Variants in RYR3 observed in about 807,000 individuals in gnomAD.
The protein encoded by RYR3 is ryanodine receptor 3, also known as brain ryanodine receptor-calcium release channel.
In RYR3, 207 loss-of-function variants were observed where a neutral mutation model predicts 584.3. The observed-to-expected ratio is 0.35, with a 90% CI of 0.32 to 0.40. The LOEUF (loss-of-function observed/expected upper bound fraction) is 0.40, where lower values mean the gene tolerates loss of function less well. Ranked by LOEUF, RYR3 falls within the 10% of genes least tolerant of loss-of-function variation. RYR3 has a pLI of 1.00. For missense variants in RYR3, 5,616 were observed against 6,089.2 expected, an observed-to-expected ratio of 0.92 and a Z score of 2.59; for synonymous variants, 2,416 against 2,248.5, an observed-to-expected ratio of 1.07 and a Z score of -2.11.
At chr15:33,800,356 G>A (rs1009410384) in intron 67 of RYR3, among the ~76,000 whole-genome samples, 2 of 152,182 alleles carry the variant, frequency 1.3e-5, no homozygotes, top group Non-Finnish European at 2.9e-5. Flanking sequence ...CAGGTTAGAT[G>A]TCTTAGTGAC....
chr15:33,496,510 G>A (rs751243716), intron 2 of RYR3, among the ~76,000 whole-genome samples: 7 of 151,922 alleles, frequency 4.6e-5, no homozygotes, highest in African/African-American at 9.7e-5. Context: ...TCATATATGC[G>A]CTCTTTTTCT....
chr15:33,547,636 A>T (rs1301415216), intron 8 of RYR3, among the ~76,000 whole-genome samples: 1 of 152,364 alleles, frequency 6.6e-6, no homozygotes, highest in East Asian at 1.9e-4. Flanking sequence ...AAAATCATGA[A>T]CAGTGTAACA....
At chr15:33,826,526 T>C in intron 83 of RYR3, 146 bp from the exon 84 acceptor site, 1 of 804,646 alleles carries the variant, frequency 1.2e-6, no homozygotes. Context: ...CAGCTCAGTT[T>C]AATTGGGCTT....
chr15:33,572,750 G>A (rs929780516), intron 12 of RYR3, among the ~76,000 whole-genome samples: 2 of 151,740 alleles, frequency 1.3e-5, no homozygotes, highest in African/African-American at 2.4e-5. Flanking sequence ...CAAGGTGGGC[G>A]AATCACCTGA....
chr15:33,755,065 G>A lies in RYR3; in HGVS notation c.8400G>A (p.Arg2800=). The part of the protein sequence containing the change: ...FLQVNGIIVS[R]GMKDMELDAS... ...TGGGGTCTGTCCATGTCCAACGTAG[G>A]GGTATGAAGGATATGGAGCTGGATG... Residue 2800 remains arginine (R), a splice_region_variant and synonymous_variant, in exon 58 of 104, where the codon AGG becomes AGA. Coordinates refer to ENST00000634891, the MANE Select transcript of RYR3 (RefSeq NM_001036.6). 6.3e-7 allele frequency: 1 copy of A among 1,586,316 alleles called. No individual in the cohort carries two copies. The highest frequency in any genetic ancestry group is 8.7e-7 in the Non-Finnish European group (1 of 1,155,686).
rs1220435945 is a variant in RYR3 at position 33,752,468 on chromosome 15, A to C, written c.8399+2182A>C. On this transcript the variant is annotated intron_variant, in intron 57 of 103. Coordinates refer to ENST00000634891, the MANE Select transcript of RYR3 (RefSeq NM_001036.6). ...CACATCCCTTGTAAGTTGTATTCCT[A>C]GTTATTTTATTCTCTTTGTAGCAAT... is the stretch of plus-strand genomic sequence containing the variant. 2.6e-5 allele frequency among the ~76,000 whole-genome samples: 4 copies of C among 152,118 alleles called. 1 individual carries two copies. The highest frequency in any genetic ancestry group is 5.9e-5 in the Non-Finnish European group (4 of 68,018).
intron 3 of RYR3, among the ~76,000 whole-genome samples, chr15:33,504,456 C>T (rs2052286224): frequency 6.6e-6 from 1 of 152,162 alleles, no homozygotes. Context: ...TTCTCTCCAC[C>T]ATCCTCAATC....
chr15:33,669,839 T>TGGGGGGGGGGGGGGGGG (rs2063709960), intron 37 of RYR3, among the ~76,000 whole-genome samples: 1 of 11,436 alleles, frequency 8.7e-5, no homozygotes, highest in African/African-American at 2.9e-4. Flanking sequence ...GGGGTGTGTG[T>TGGGGGGGGGGGGGGGGG]GTGTGGGGGG....
intron 17 of RYR3, 138 bp from the exon 18 acceptor site, chr15:33,602,985 A>G (rs2059745618): frequency 5.7e-6 from 5 of 883,698 alleles, no homozygotes; most frequent in Middle Eastern, 6.8e-4. Context: ...GATCCCTCCC[A>G]TCTTTTGAGC....
chr15:33,796,181 C>T (rs1229583216), intron 67 of RYR3, among the ~76,000 whole-genome samples: 2 of 152,120 alleles, frequency 1.3e-5, no homozygotes, highest in African/African-American at 4.8e-5. Flanking sequence ...GTCGCCCAGG[C>T]TGGAGTGCAG....
intron 80 of RYR3, 98 bp from the exon 81 acceptor site, chr15:33,822,898 A>G: frequency 1.1e-6 from 1 of 917,070 alleles, no homozygotes; most frequent in Non-Finnish European, 1.7e-6. Flanking sequence ...AGAGCGTCCA[A>G]CTCAGTGTGG....
intron 60 of RYR3, among the ~76,000 whole-genome samples, chr15:33,766,219 G>A (rs943952008): frequency 6.6e-6 from 1 of 151,416 alleles, no homozygotes; most frequent in East Asian, 1.9e-4. Flanking sequence ...GGAGACGGAG[G>A]TTGCAGTGAG....
intron 85 of RYR3, 69 bp from the exon 86 acceptor site, chr15:33,830,894 C>A: frequency 6.5e-7 from 1 of 1,540,806 alleles, no homozygotes; most frequent in Non-Finnish European, 8.8e-7. Flanking sequence ...ATGTACCCTT[C>A]CCAAACACCG....
intron 1 of RYR3, among the ~76,000 whole-genome samples, chr15:33,313,474 C>A (rs1404701564): frequency 6.6e-6 from 1 of 152,148 alleles, no homozygotes; most frequent in East Asian, 1.9e-4. Context: ...AATCCAATAG[C>A]CATAAGCTTT....
intron 38 of RYR3, among the ~76,000 whole-genome samples, chr15:33,677,818 G>C (rs965861444): frequency 6.6e-6 from 1 of 152,228 alleles, no homozygotes; most frequent in Non-Finnish European, 1.5e-5. Context: ...ATACACACCT[G>C]TCACGAGCCT....
chr15:33,423,656 G>GT (rs374041754), intron 1 of RYR3, among the ~76,000 whole-genome samples: 51 of 148,692 alleles, frequency 3.4e-4, no homozygotes, highest in African/African-American at 8.4e-4. Flanking sequence ...TTATTTTCCA[G>GT]GTTTTTTTTT....
At chr15:33,444,126 G>A (rs912778772) in intron 1 of RYR3, among the ~76,000 whole-genome samples, 1 of 152,140 alleles carries the variant, frequency 6.6e-6, no homozygotes. Context: ...AAAGTTTTTG[G>A]TGGGATTTTT....
chr15:33,769,817 T>C (rs1326803559), intron 62 of RYR3, among the ~76,000 whole-genome samples: 1 of 151,948 alleles, frequency 6.6e-6, no homozygotes, highest in Non-Finnish European at 1.5e-5. Flanking sequence ...GGCATGGTGG[T>C]GCATGCCTGT....
intron 23 of RYR3, among the ~76,000 whole-genome samples, chr15:33,632,524 T>A (rs1372685935): frequency 1.6e-4 from 24 of 152,234 alleles, no homozygotes; most frequent in Non-Finnish European, 3.5e-4. Context: ...ACTGAGTGAT[T>A]ATTCTGTGCT....
Sources: gnomAD v4.1 joint callset for allele counts (sites outside exome capture counted in the v4.1 genomes callset) on GRCh38, gnomAD v4.1.1 for gene constraint, MANE v1.5 for transcripts, NCBI Gene and HGNC (gene_info 2026-07-23, HGNC 2026-07-21) for gene names.